VPS53: variants seen among roughly 807,000 people sequenced by gnomAD.
The protein encoded by VPS53 is VPS53 subunit of GARP complex, also known as vacuolar protein sorting-associated protein 53 homolog.
VPS53 carries 70 observed loss-of-function variants against 107.0 expected under a neutral mutation model. The observed-to-expected ratio is 0.65, with a 90% CI of 0.54 to 0.80. VPS53 has a LOEUF of 0.80. VPS53 is among the 30% of genes least tolerant of loss of function. The probability of loss-of-function intolerance (pLI) is 0.00; values close to 1 mark genes in which losing one functional copy is unlikely to be tolerated. For missense variants in VPS53, 917 were observed against 1,049.4 expected, an observed-to-expected ratio of 0.87 and a Z score of 1.74; for synonymous variants, 409 against 393.3, an observed-to-expected ratio of 1.04 and a Z score of -0.47.
chr17:618,993 T>TC, intron 11 of VPS53, among the ~76,000 whole-genome samples: 1 of 140,912 alleles, frequency 7.1e-6, no homozygotes, highest in South Asian at 2.3e-4. Flanking sequence ...CCACCACGCC[T>TC]GCTAATATTT....
intron 11 of VPS53, among the ~76,000 whole-genome samples, chr17:612,263 T>G (rs62056496): frequency 0.055 from 6,369 of 115,250 alleles, 322 homozygotes; most frequent in Non-Finnish European, 0.08. Context: ...AATATTCACA[T>G]AGTGAGTTCA....
intron 11 of VPS53, 138 bp downstream of exon 11, chr17:623,395 C>A: frequency 2.9e-6 from 3 of 1,028,890 alleles, no homozygotes; most frequent in Non-Finnish European, 4.2e-6. Context: ...TCATCACTTT[C>A]CCAGCAGCTC....
chr17:584,718 G>A (rs1252399177), intron 13 of VPS53, among the ~76,000 whole-genome samples: 2 of 151,964 alleles, frequency 1.3e-5, no homozygotes, highest in African/African-American at 2.4e-5. Context: ...ATAAAGATGA[G>A]GTTTCAGCAT....
At chr17:522,858 A>G (rs1422777786) in intron 19 of VPS53, 2 of 152,196 alleles carry the variant, frequency 1.3e-5, no homozygotes, top group Non-Finnish European at 2.9e-5. Context: ...AGCCTTACCT[A>G]CCCTGGATGT....
chr17:685,328 G>A lies in VPS53; in HGVS notation c.285+12090C>T, dbSNP rs1015405784. The A allele has an allele frequency of 3.9e-5, 6 of 152,052 alleles. No homozygotes were observed. The East Asian group carries it at 5.8e-4, about 15-fold the overall frequency. 9.4% of individuals were successfully genotyped at this position (152,052 alleles called of 1,614,324 possible). A position where few individuals can be genotyped will look rare whatever the true frequency, so the allele number is the denominator to read the frequency against. ...TTTTCTTCTAAAATAATATACCAACGGCCCTCAACTTGGGATGGTTCAACA... is the reference window on the plus strand; with the variant it reads ...TTTTCTTCTAAAATAATATACCAACAGCCCTCAACTTGGGATGGTTCAACA... On this transcript the variant is annotated intron_variant, in intron 4 of 21. Transcript: ENST00000437048.
chr17:522,718 C>G (rs1004031337), intron 19 of VPS53, among the ~76,000 whole-genome samples: 2 of 152,248 alleles, frequency 1.3e-5, no homozygotes, highest in African/African-American at 4.8e-5. Flanking sequence ...TGGCAACAAT[C>G]TACCTTTTCC....
At chr17:698,784 G>C (rs1973082525) in intron 3 of VPS53, among the ~76,000 whole-genome samples, 2 of 152,082 alleles carry the variant, frequency 1.3e-5, no homozygotes, top group South Asian at 4.1e-4. Context: ...GATGTTTTGA[G>C]TAGACTCTAT....
chr17:687,152 G>A (rs948825699), intron 4 of VPS53, among the ~76,000 whole-genome samples: 8 of 152,122 alleles, frequency 5.3e-5, no homozygotes, highest in African/African-American at 1.2e-4. Flanking sequence ...AGGCGTGGTG[G>A]TGGTCGCCTG....
At position 516,780 on chromosome 17, in the gene VPS53, T is replaced by A. The variant is rs1289308681; in HGVS notation, c.*2348A>T. On this transcript the variant is annotated 3_prime_UTR_variant, in exon 22 of 22. Transcript: ENST00000437048. ...GGAGACATTTAACAGAAACTCCTAC[T>A]GACATCCATTGGTTCCTTGGGGATT... 2 of 152,270 alleles carry A rather than the reference T, an allele frequency of 1.3e-5. No homozygotes were observed. The highest frequency in any genetic ancestry group is 2.9e-5 in the Non-Finnish European group (2 of 68,066). 9.4% of individuals were successfully genotyped at this position (152,270 alleles called of 1,614,324 possible).
intron 13 of VPS53, among the ~76,000 whole-genome samples, chr17:585,583 AG>A (rs1967268008): frequency 6.6e-6 from 1 of 152,150 alleles, no homozygotes; most frequent in East Asian, 1.9e-4. Context: ...TGGAGGATGC[AG>A]TAAGTCATAA....
chr17:555,788 T>A (rs765991270), intron 15 of VPS53, among the ~76,000 whole-genome samples: 3 of 152,204 alleles, frequency 2.0e-5, no homozygotes, highest in African/African-American at 4.8e-5. Context: ...TAAAAAAGAA[T>A]CTGAATCAGC....
chr17:667,877 T>C (rs993268680), intron 4 of VPS53, among the ~76,000 whole-genome samples: 7 of 152,096 alleles, frequency 4.6e-5, no homozygotes, highest in African/African-American at 1.4e-4. Flanking sequence ...TAGATTCTCA[T>C]AGGAGCGCGA....
At chr17:666,842 C>A (rs1018219387) in intron 4 of VPS53, among the ~76,000 whole-genome samples, 1 of 152,132 alleles carries the variant, frequency 6.6e-6, no homozygotes, top group Non-Finnish European at 1.5e-5. Context: ...TTGCTTGAAC[C>A]CAGGAAACGG....
chr17:534,961 C>T (rs1435626822), intron 18 of VPS53, among the ~76,000 whole-genome samples: 3 of 151,280 alleles, frequency 2.0e-5, no homozygotes, highest in East Asian at 2.0e-4. Context: ...TGAACTGGCT[C>T]TCTATACTAG....
chr17:645,419 T>C (rs1332084956), intron 7 of VPS53, among the ~76,000 whole-genome samples: 1 of 152,254 alleles, frequency 6.6e-6, no homozygotes, highest in Non-Finnish European at 1.5e-5. Context: ...CATTATCAGA[T>C]AAATGATTTG....
intron 11 of VPS53, among the ~76,000 whole-genome samples, chr17:603,595 T>C (rs1162666050): frequency 6.6e-6 from 1 of 152,186 alleles, no homozygotes; most frequent in African/African-American, 2.4e-5. Flanking sequence ...CAAAGCCTTG[T>C]GGTGATGGCA....
intron 10 of VPS53, among the ~76,000 whole-genome samples, chr17:625,523 G>T (rs1969666053): frequency 6.6e-6 from 1 of 151,066 alleles, no homozygotes; most frequent in African/African-American, 2.4e-5. Flanking sequence ...CACCAAGCGT[G>T]AACACTACCA....
chr17:531,370 C>A (rs12453108), intron 19 of VPS53, among the ~76,000 whole-genome samples: 23,618 of 152,180 alleles, frequency 0.16, 2,062 homozygotes, highest in South Asian at 0.27. Flanking sequence ...CACCTCAAAA[C>A]GGAAGTAAAC....
At chr17:658,785 TCGGCCG>T in intron 5 of VPS53, among the ~76,000 whole-genome samples, 1 of 151,796 alleles carries the variant, frequency 6.6e-6, no homozygotes, top group Non-Finnish European at 1.5e-5. Flanking sequence ...AGTGAGAAAC[TCGGCCG>T]TGAGTTCGTG....
Sources: gnomAD v4.1 joint callset for allele counts (sites outside exome capture counted in the v4.1 genomes callset) on GRCh38, gnomAD v4.1.1 for gene constraint, MANE v1.5 for transcripts, NCBI Gene and HGNC (gene_info 2026-07-23, HGNC 2026-07-21) for gene names.